The following IL1RAPL1 variants were observed in gnomAD, a reference collection of about 807,000 sequenced individuals.
The protein encoded by IL1RAPL1 is interleukin 1 receptor accessory protein like 1, also known as interleukin-1 receptor accessory protein-like 1.
In IL1RAPL1, 3 loss-of-function variants were observed where a neutral mutation model predicts 48.4. That is an observed-to-expected ratio of 0.06 (90% CI 0.03 to 0.16). The LOEUF (loss-of-function observed/expected upper bound fraction) is 0.16, where lower values mean the gene tolerates loss of function less well. IL1RAPL1 is among the 10% of genes least tolerant of loss of function. The pLI is 1.00. For missense variants in IL1RAPL1, 349 were observed against 530.6 expected, an observed-to-expected ratio of 0.66 and a Z score of 3.36; for synonymous variants, 185 against 187.7, an observed-to-expected ratio of 0.99 and a Z score of 0.12.
intron 1 of IL1RAPL1, among the ~76,000 whole-genome samples, chrX:28,615,574 T>A (rs1934209556): frequency 9.0e-6 from 1 of 110,937 alleles, no homozygotes; most frequent in East Asian, 2.9e-4. Context: ...CAACAGGCCC[T>A]TGTCCTGCTG....
intron 1 of IL1RAPL1, among the ~76,000 whole-genome samples, chrX:28,596,623 C>T (rs910308490): frequency 2.7e-5 from 3 of 111,403 alleles, no homozygotes; most frequent in Admixed American, 1.9e-4. Context: ...CACAGATGCT[C>T]GAGTCCCTAA....
chrX:28,745,678 C>G (rs1216560032), intron 1 of IL1RAPL1, among the ~76,000 whole-genome samples: 1 of 111,159 alleles, frequency 9.0e-6, no homozygotes, highest in Non-Finnish European at 1.9e-5. Flanking sequence ...AAACAGAAAA[C>G]AAAGAGAAAT....
intron 5 of IL1RAPL1, among the ~76,000 whole-genome samples, chrX:29,482,158 A>C (rs1209674395): frequency 1.8e-5 from 2 of 112,202 alleles, no homozygotes; most frequent in East Asian, 5.6e-4. Flanking sequence ...ACCACTATGA[A>C]CTTGGAATAT....
chrX:29,302,813 A>G (rs1932558045), intron 3 of IL1RAPL1, among the ~76,000 whole-genome samples: 1 of 111,836 alleles, frequency 8.9e-6, no homozygotes, highest in Non-Finnish European at 1.9e-5. Flanking sequence ...ACTCCTCTAG[A>G]AACAAACCGC....
chrX:29,133,331 G>A (rs1286071766), intron 2 of IL1RAPL1, among the ~76,000 whole-genome samples: 1 of 112,058 alleles, frequency 8.9e-6, no homozygotes. Flanking sequence ...GGACCCTGAA[G>A]GGAAAACTTG....
chrX:28,657,447 G>A (rs1296005024), intron 1 of IL1RAPL1, among the ~76,000 whole-genome samples: 1 of 112,007 alleles, frequency 8.9e-6, no homozygotes, highest in East Asian at 2.8e-4. Flanking sequence ...TAACAGGGGA[G>A]AAGGAAAAGA....
chrX:28,887,005 A>C (rs1250362196), intron 2 of IL1RAPL1, among the ~76,000 whole-genome samples: 1 of 112,088 alleles, frequency 8.9e-6, no homozygotes, highest in Non-Finnish European at 1.9e-5. Context: ...TACCTAGTAC[A>C]TTGATTTAAC....
intron 5 of IL1RAPL1, among the ~76,000 whole-genome samples, chrX:29,504,667 G>A (rs1396199429): frequency 9.0e-6 from 1 of 111,031 alleles, no homozygotes; most frequent in Non-Finnish European, 1.9e-5. Context: ...ACTCTTTTTT[G>A]TTTACCAGTT....
chrX:29,364,670 CA>C (rs1318096139), intron 3 of IL1RAPL1, among the ~76,000 whole-genome samples: 44 of 108,659 alleles, frequency 4.0e-4, no homozygotes, highest in African/African-American at 1.5e-3. Context: ...AACAGTGTAA[CA>C]ACTATTTACA....
At chrX:29,539,711 A>G (rs1921367310) in intron 5 of IL1RAPL1, among the ~76,000 whole-genome samples, 1 of 110,945 alleles carries the variant, frequency 9.0e-6, no homozygotes, top group African/African-American at 3.3e-5. Context: ...CTGCTCTGCC[A>G]TGTGAAGTAC....
chrX:28,949,897 C>A (rs1056391566), intron 2 of IL1RAPL1, among the ~76,000 whole-genome samples: 1 of 110,151 alleles, frequency 9.1e-6, no homozygotes, highest in Non-Finnish European at 1.9e-5. Context: ...GTTGCCCGTT[C>A]ACTCTGATGG....
chrX:29,691,769 A>AC (rs1926780889), intron 6 of IL1RAPL1, among the ~76,000 whole-genome samples: 1 of 102,894 alleles, frequency 9.7e-6, no homozygotes, highest in African/African-American at 3.6e-5. Context: ...AAAAAAAAAA[A>AC]AAACTCACTA....
At chrX:29,782,921 T>C (rs868455413) in intron 6 of IL1RAPL1, among the ~76,000 whole-genome samples, 89 of 80,764 alleles carry the variant, frequency 1.1e-3, no homozygotes, top group African/African-American at 5.3e-3. Context: ...TTTTTTTTTT[T>C]TGAGACGGAG....
intron 2 of IL1RAPL1, among the ~76,000 whole-genome samples, chrX:29,230,517 A>ACAAC (rs1555978805): frequency 1.1e-5 from 1 of 90,536 alleles, no homozygotes; most frequent in African/African-American, 4.3e-5. Context: ...AAAAAAAAAA[A>ACAAC]AAAAAAAAAA....
chrX:29,943,457 CTG>C (rs1298395124), intron 9 of IL1RAPL1, among the ~76,000 whole-genome samples: 1 of 111,977 alleles, frequency 8.9e-6, no homozygotes, highest in Admixed American at 9.5e-5. Context: ...AACACAAATA[CTG>C]TAAGTGTCCA....
chrX:29,740,104 C>CAAA (rs1928159388), intron 6 of IL1RAPL1, among the ~76,000 whole-genome samples: 1 of 35,279 alleles, frequency 2.8e-5, no homozygotes, highest in Non-Finnish European at 5.4e-5. Context: ...CTCAAAACAA[C>CAAA]AAAAAAACAA....
chrX:28,803,932 G>A (rs956152163), intron 2 of IL1RAPL1, among the ~76,000 whole-genome samples: 1 of 112,184 alleles, frequency 8.9e-6, no homozygotes, highest in Non-Finnish European at 1.9e-5. Flanking sequence ...AAACAAACTT[G>A]TGGAAAATTT....
chrX:29,245,030 G>A (rs1238475275), intron 2 of IL1RAPL1, among the ~76,000 whole-genome samples: 1 of 109,706 alleles, frequency 9.1e-6, no homozygotes, highest in Non-Finnish European at 1.9e-5. Flanking sequence ...GCGGTGTTTG[G>A]TTTTCTGTTC....
intron 1 of IL1RAPL1, among the ~76,000 whole-genome samples, chrX:28,651,044 C>T (rs1458154331): frequency 8.9e-6 from 1 of 111,794 alleles, no homozygotes; most frequent in Non-Finnish European, 1.9e-5. Flanking sequence ...AAAATGCAGT[C>T]AAAATTTCAT....
Sources: gnomAD v4.1 joint callset for allele counts (sites outside exome capture counted in the v4.1 genomes callset) on GRCh38, gnomAD v4.1.1 for gene constraint, MANE v1.5 for transcripts, NCBI Gene and HGNC (gene_info 2026-07-23, HGNC 2026-07-21) for gene names.